The following CEP170B variants were observed in gnomAD, a reference collection of about 807,000 sequenced individuals.
The protein encoded by CEP170B is centrosomal protein of 170 kDa protein B.
In CEP170B, 55 loss-of-function variants were observed where a neutral mutation model predicts 120.6. That is an observed-to-expected ratio of 0.46 (90% confidence interval 0.37 to 0.57). The LOEUF is 0.57. Ranked by LOEUF, CEP170B falls within the 20% of genes least tolerant of loss-of-function variation. The pLI, the probability that CEP170B is intolerant of heterozygous loss-of-function variation, is 0.00. For missense variants in CEP170B, 2,212 were observed against 2,253.3 expected, an observed-to-expected ratio of 0.98 and a Z score of 0.37; for synonymous variants, 1,033 against 954.5, an observed-to-expected ratio of 1.08 and a Z score of -1.52.
chr14:104,882,831 A>C lies in CEP170B; in HGVS notation c.576A>C (p.Pro192=), dbSNP rs747866563. ...PDAQRQGEPY[P]ERPKGPVQQD... ...CCCAGCGCCAGGGAGAGCCCTACCC[A>C]GGTTGGTCTTGGGGCCAGGCTGGTG... The change falls in exon 7 of 19, where the codon CCA becomes CCC. Residue 192 remains proline, a splice_region_variant and synonymous_variant. Coordinates refer to ENST00000414716, the MANE Select transcript of CEP170B (RefSeq NM_001112726.3). 1 of 1,611,078 alleles carries C rather than the reference A, an allele frequency of 6.2e-7. No homozygotes were observed. Among genetic ancestry groups the C allele is most frequent in the Non-Finnish European group, 8.5e-7 (1 of 1,179,148 alleles).
At chr14:104,894,210 T>C in intron 16 of CEP170B, 75 bp from the exon 17 acceptor site, 1 of 1,176,168 alleles carries the variant, frequency 8.5e-7, no homozygotes, top group Non-Finnish European at 1.3e-6. Context: ...GCAGAGGAGG[T>C]CTGGGAGAAT....
At position 104,880,368 on chromosome 14, in the gene CEP170B, C is replaced by T; in HGVS notation, c.415C>T (p.Pro139Ser). Residue 139 changes from proline (P) to serine (S), a missense_variant, in exon 6 of 19, where the codon CCA becomes TCA. Around this residue, in one of 2 missense-constraint regions of CEP170B, gnomAD observed 2,166 missense variants for 2,166.7 expected, o/e 1.00. Coordinates refer to ENST00000414716, the MANE Select transcript of CEP170B (RefSeq NM_001112726.3). ...KRSEALPEHT[P>S]YCEASNPRPE... ...GAGCGAGGCACTGCCGGAACACACA[C>T]CATACTGCGAGGCCTCGAACCCCAG... 6.2e-7 allele frequency: 1 copy of T among 1,612,674 alleles called. No individual in the cohort carries two copies. The highest frequency in any genetic ancestry group is 8.5e-7 in the Non-Finnish European group (1 of 1,179,688).
chr14:104,894,729 AC>A lies in CEP170B; in HGVS notation c.4440del (p.Ser1481ValfsTer46). ...KQLEVINAIVDPSGSLDLLTG... is the reference protein window; with the variant it reads ...KQLEVINAIVXPSGSLDLLTG... The stretch of plus-strand genomic sequence containing the variant: ...CCTCCAGTTATCAATGCCATCGTGG[AC>A]CCCAGTGGGAGCCTGGACCTGCTCA... On this transcript the variant is annotated frameshift_variant, in exon 19 of 19. Coordinates refer to ENST00000414716, the MANE Select transcript of CEP170B (RefSeq NM_001112726.3). LOFTEE classifies it low-confidence loss of function (END_TRUNC). 1 of 1,586,378 alleles carries A rather than the reference AC, an allele frequency of 6.3e-7. No individual in the cohort carries two copies. Among genetic ancestry groups the A allele is most frequent in the Non-Finnish European group, 8.6e-7 (1 of 1,164,832 alleles).
At chr14:104,884,634 G>A (rs1896359498) in intron 9 of CEP170B, 85 bp downstream of exon 9, 1 of 1,278,470 alleles carries the variant, frequency 7.8e-7, no homozygotes, top group East Asian at 2.7e-5. Flanking sequence ...AGCCCTCGTG[G>A]GGAACGGGGG....
chr14:104,885,660 A>C, intron 10 of CEP170B, 118 bp downstream of exon 10: 1 of 1,314,832 alleles, frequency 7.6e-7, no homozygotes, highest in Non-Finnish European at 1.0e-6. Context: ...TCTGAGGGAC[A>C]CGCTCAGAGG....
At chr14:104,881,920 A>G (rs148496061) in intron 6 of CEP170B, among the ~76,000 whole-genome samples, 3 of 152,206 alleles carry the variant, frequency 2.0e-5, no homozygotes, top group Admixed American at 2.0e-4. Context: ...ATGGTTCCTG[A>G]CGGGTGACTG....
intron 4 of CEP170B, 125 bp downstream of exon 4, chr14:104,878,088 G>A: frequency 5.1e-6 from 4 of 777,148 alleles, no homozygotes; most frequent in South Asian, 1.6e-5. Context: ...CACCAAGGAT[G>A]ACCCTAGGGC....
intron 2 of CEP170B, among the ~76,000 whole-genome samples, chr14:104,869,152 T>C (rs574000506): frequency 2.0e-5 from 3 of 152,290 alleles, no homozygotes; most frequent in Non-Finnish European, 4.4e-5. Context: ...TTGTGGGGCT[T>C]GCGATCTGGC....
Position 104,883,936 on chromosome 14 carries a change from T to A in CEP170B, c.1157T>A (p.Leu386Gln). ...GAGGCCAGCGGGGAGCAGGTGCGGCTGCAGAGGCAGATCAAGCGGGACCCC... is the reference window on the plus strand; with the variant it reads ...GAGGCCAGCGGGGAGCAGGTGCGGCAGCAGAGGCAGATCAAGCGGGACCCC... ...PLEASGEQVRLQRQIKRDPQE... is the reference protein window; with the variant it reads ...PLEASGEQVRQQRQIKRDPQE... The change falls in exon 9 of 19, where the codon CTG becomes CAG. Residue 386 changes from leucine (L) to glutamine (Q), a missense_variant. Around this residue, in one of 2 missense-constraint regions of CEP170B, gnomAD observed 2,166 missense variants for 2,166.7 expected, o/e 1.00. Transcript: ENST00000414716. 3 of 1,603,400 alleles carry A rather than the reference T, an allele frequency of 1.9e-6. No individual in the cohort carries two copies. The South Asian group carries it at 3.3e-5, about 18-fold the overall frequency.
At chr14:104,893,428 C>T (rs1173457775) in intron 14 of CEP170B, 95 bp from the exon 15 acceptor site, 4 of 1,432,378 alleles carry the variant, frequency 2.8e-6, no homozygotes, top group Admixed American at 2.1e-5. Flanking sequence ...GGTGGGTGTG[C>T]TCTGTCCACC....
intron 3 of CEP170B, 60 bp from the exon 4 acceptor site, chr14:104,877,825 T>TTCCCCCA: frequency 2.5e-6 from 1 of 405,058 alleles, no homozygotes. Flanking sequence ...CCTGCGGCCC[T>TTCCCCCA]GCCCACAGCC....
At position 104,887,414 on chromosome 14, in the gene CEP170B, G is replaced by C. The variant is rs753821037; in HGVS notation, c.3175G>C (p.Asp1059His). The C allele has an allele frequency of 1.2e-6, 2 of 1,611,996 alleles. No individual in the cohort carries two copies. Among genetic ancestry groups the C allele is most frequent in the South Asian group, 1.1e-5 (1 of 91,004 alleles). ...GPVLAHLPSS[D>H]VMASNHETPE... ...TGTCCTCGCCCACCTACCCAGCTCA[G>C]ATGTGATGGCCTCCAACCACGAAAC... is the stretch of plus-strand genomic sequence containing the variant. Residue 1059 changes from aspartate (D) to histidine (H), a missense_variant, in exon 12 of 19, where the codon GAT becomes CAT. Physicochemically the swap from Asp to His is moderately conservative, Grantham distance 81 (BLOSUM62 -1). Coordinates refer to ENST00000414716, the MANE Select transcript of CEP170B (RefSeq NM_001112726.3).
Position 104,867,173 on chromosome 14 carries a change from C to T in CEP170B, c.-27-1251C>T, listed in dbSNP as rs1365319472. On this transcript the variant is annotated intron_variant, in intron 1 of 18. Transcript: ENST00000414716. This position sits in a 1 kb window ranked among gnomAD's most constrained non-coding sequence, Gnocchi z 5.4. ...GGCCCTTTAGGGACTTCATCCCCTT[C>T]CAGGACTAGCCACAGGACTCCCAGG... Among the ~76,000 whole-genome samples the T allele has an allele frequency of 1.3e-5, 2 of 152,172 alleles. No individual in the cohort carries two copies. The highest frequency in any genetic ancestry group is 4.8e-5 in the African/African-American group (2 of 41,428).
At position 104,893,749 on chromosome 14, in the gene CEP170B, G is replaced by C; in HGVS notation, c.4183-12G>C. ...TCGAGGGCGGGGCCATGCTGAGGCC[G>C]GGCTCTTGCAGGTGATCTTCGATAA... On this transcript the variant is annotated splice_polypyrimidine_tract_variant and intron_variant, in intron 15 of 18. Transcript: ENST00000414716. 6.2e-7 allele frequency: 1 copy of C among 1,602,978 alleles called. No homozygotes were observed. Among genetic ancestry groups the C allele is most frequent in the Non-Finnish European group, 8.5e-7 (1 of 1,175,634 alleles).
chr14:104,894,783 C>A lies in CEP170B; in HGVS notation c.4490C>A (p.Ala1497Glu). Residue 1497 changes from alanine to glutamate, a missense_variant, in exon 19 of 19, where the codon GCA becomes GAA. Ala to Glu is a moderately radical substitution (Grantham distance 107). Transcript: ENST00000414716. ...GGAAACAGGAGCTTGGCCAGCTCTG[C>A]ACAGCCGGGGCTGGGGAAGGGCCGC... ...LTGNRSLASS[A>E]QPGLGKGRVA... 6.2e-7 allele frequency: 1 copy of A among 1,606,884 alleles called. No homozygotes were observed. The highest frequency in any genetic ancestry group is 8.5e-7 in the Non-Finnish European group (1 of 1,178,788).
chr14:104,879,682 C>T (rs907453925), intron 5 of CEP170B, among the ~76,000 whole-genome samples: 1 of 152,146 alleles, frequency 6.6e-6, no homozygotes, highest in Non-Finnish European at 1.5e-5. Flanking sequence ...TGCTGGAGGC[C>T]GACGGTGGCA....
Position 104,883,212 on chromosome 14 carries a change from C to T in CEP170B, c.755C>T (p.Ala252Val), listed in dbSNP as rs373419294. Residue 252 changes from alanine (A) to valine (V), a missense_variant, in exon 8 of 19, where the codon GCA becomes GTA. Ala to Val is a moderately conservative substitution (Grantham distance 64). Transcript: ENST00000414716. ...VPAHEMPTKD[A>V]EAGGGGAAPV... ...GCACACGAGATGCCCACGAAGGATG[C>T]AGAGGCAGGTGGGGGCGGAGCGGCC... 18 of 1,611,076 alleles carry T rather than the reference C, an allele frequency of 1.1e-5. No homozygotes were observed. The highest frequency in any genetic ancestry group is 1.5e-5 in the Non-Finnish European group (18 of 1,179,462).
chr14:104,893,684 G>T lies in CEP170B; in HGVS notation c.4182+18G>T, dbSNP rs748288961. ...GAGAGGAGGCACGGTGCCCACTACC[G>T]CCACGGAGCTGGGTGTGGGGGGAGC... On this transcript the variant is annotated intron_variant, in intron 15 of 18. Transcript: ENST00000414716. 5.7e-6 allele frequency: 9 copies of T among 1,583,268 alleles called. No homozygotes were observed. In the South Asian group the frequency reaches 8.0e-5, roughly 14 times the overall value.
In CEP170B at chr14:104,887,144, A is replaced by T; in HGVS notation, c.2905A>T (p.Ser969Cys). 1 of 1,609,574 alleles carries T rather than the reference A, an allele frequency of 6.2e-7. No individual in the cohort carries two copies. Among genetic ancestry groups the T allele is most frequent in the Non-Finnish European group, 8.5e-7 (1 of 1,179,696 alleles). ...CACCGTCAGCCTGCGTAGTGGCAAG[A>T]GCGGGCCCAGCCCCACAACCCCCCA... ...ASTVSLRSGK[S>C]GPSPTTPQPL... is the part of the protein sequence containing the mutation. The change falls in exon 12 of 19, where the codon AGC (serine) becomes TGC (cysteine). Residue 969 changes from serine to cysteine, a missense_variant. Around this residue, in one of 2 missense-constraint regions of CEP170B, gnomAD observed 2,166 missense variants for 2,166.7 expected, o/e 1.00. Transcript: ENST00000414716.
Sources: gnomAD v4.1 joint callset for allele counts (sites outside exome capture counted in the v4.1 genomes callset) on GRCh38, gnomAD v4.1.1 for gene constraint, gnomAD v4.1.1 regional missense constraint, Gnocchi (gnomAD v3.1) non-coding constraint, MANE v1.5 for transcripts, NCBI Gene and HGNC (gene_info 2026-07-23, HGNC 2026-07-21) for gene names.